The following RASSF8 variants were observed in gnomAD, a reference collection of about 807,000 sequenced individuals.
RASSF8 encodes ras association domain-containing protein 8.
Under a neutral mutation model 48.5 loss-of-function variants are expected in RASSF8, and 22 were observed. The observed-to-expected ratio is 0.45, with a 90% CI of 0.32 to 0.65. The LOEUF (loss-of-function observed/expected upper bound fraction) is 0.65, where lower values mean the gene tolerates loss of function less well. Ranked by LOEUF, RASSF8 falls within the 30% of genes least tolerant of loss-of-function variation. The pLI is 0.03. For missense variants in RASSF8, 418 were observed against 489.2 expected (o/e 0.85, Z 1.37); for synonymous variants, 127 against 171.5 (o/e 0.74, Z 2.03).
chr12:25,982,652 AATTTTC>A (rs1477509966), intron 1 of RASSF8, among the ~76,000 whole-genome samples: 1 of 152,192 alleles, frequency 6.6e-6, no homozygotes, highest in African/African-American at 2.4e-5. Flanking sequence ...GTTGAGCTTG[AATTTTC>A]TTGGTCCCTT....
chr12:26,043,410 T>A (rs556643733), intron 2 of RASSF8, among the ~76,000 whole-genome samples: 1 of 152,266 alleles, frequency 6.6e-6, no homozygotes, highest in Non-Finnish European at 1.5e-5. Flanking sequence ...GGGTAGCACA[T>A]CAGTAACCTG....
Position 26,035,044 on chromosome 12 carries a change from A to G in RASSF8, c.-108-20192A>G, listed in dbSNP as rs181454541. Among the ~76,000 whole-genome samples, 559 of 152,248 alleles carry G rather than the reference A, an allele frequency of 3.7e-3. 2 individuals carry two copies. The highest frequency in any genetic ancestry group is 0.013 in the African/African-American group (525 of 41,538). Reference sequence around the variant, plus strand: ...CTCTGGTGTTGCCCTATAAACTTTAATAGACGTTTTTCCAGTTGTCCAATA... The same window carrying G: ...CTCTGGTGTTGCCCTATAAACTTTAGTAGACGTTTTTCCAGTTGTCCAATA... On this transcript the variant is annotated intron_variant, in intron 2 of 5. Coordinates refer to ENST00000689635, the MANE Select transcript of RASSF8 (RefSeq NM_001394098.1).
intron 3 of RASSF8, among the ~76,000 whole-genome samples, chr12:26,061,016 G>A (rs1408479779): frequency 6.6e-6 from 1 of 152,120 alleles, no homozygotes; most frequent in Non-Finnish European, 1.5e-5. Context: ...CCAGAGGGTT[G>A]GTGATGAAGA....
rs77656229 is a variant in RASSF8 at position 26,004,751 on chromosome 12, A to G, written c.-109+9621A>G. On this transcript the variant is annotated intron_variant, in intron 2 of 5. Transcript: ENST00000689635. ...GAGGAAGGGGAGCTCTTCTGACATGACATGACTGGTACCTTCTACTTTTCT... is the reference window on the plus strand; with the variant it reads ...GAGGAAGGGGAGCTCTTCTGACATGGCATGACTGGTACCTTCTACTTTTCT... 6.8e-3 allele frequency among the ~76,000 whole-genome samples: 1,037 copies of G among 152,318 alleles called. 8 individuals carry two copies. Among genetic ancestry groups the G allele is most frequent in the Non-Finnish European group, 0.012 (790 of 68,026 alleles).
In RASSF8 at chr12:26,068,746, G is replaced by T; in HGVS notation, c.1188G>T (p.Gln396His). 1 of 1,537,290 alleles carries T rather than the reference G, an allele frequency of 6.5e-7. No homozygotes were observed. Among genetic ancestry groups the T allele is most frequent in the Non-Finnish European group, 8.7e-7 (1 of 1,146,894 alleles). The change falls in exon 6 of 6, where the codon CAG (glutamine) becomes CAT (histidine). Residue 396 changes from glutamine to histidine, a missense_variant. Physicochemically the swap from Gln to His is conservative, Grantham distance 24 (BLOSUM62 0). Transcript: ENST00000689635. The stretch of plus-strand genomic sequence containing the variant: ...TGAAGCGACCTGGTTCATCTCGGCA[G>T]CTCCCCAGTAATCTCCGCATTCTGC... ...GSLKRPGSSR[Q>H]LPSNLRILQN...
At chr12:26,006,332 C>T (rs1942391206) in intron 2 of RASSF8, among the ~76,000 whole-genome samples, 1 of 152,116 alleles carries the variant, frequency 6.6e-6, no homozygotes, top group Non-Finnish European at 1.5e-5. Flanking sequence ...CCCTTGAGTA[C>T]TTGGTTTCTC....
intron 1 of RASSF8, among the ~76,000 whole-genome samples, chr12:25,985,649 C>T (rs1227583806): frequency 6.6e-6 from 1 of 152,160 alleles, no homozygotes; most frequent in African/African-American, 2.4e-5. Flanking sequence ...AAAAATATTC[C>T]ACTTCATAGG....
At position 26,055,532 on chromosome 12, in the gene RASSF8, G is replaced by T. The variant is rs1034415691; in HGVS notation, c.103+86G>T. 4.0e-5 allele frequency: 48 copies of T among 1,194,804 alleles called. No individual in the cohort carries two copies. In the African/African-American group the frequency reaches 6.7e-4, roughly 17 times the overall value. The allele number at this position is 1,194,804 out of a possible 1,614,324, so 74.0% of individuals were successfully genotyped here. A position where few individuals can be genotyped will look rare whatever the true frequency, so the allele number is the denominator to read the frequency against. ...TTGTTTTAAATATAGATTTCTAGGG[G>T]ATTTTGTTCATTTGGTTCCATAATA... On this transcript the variant is annotated intron_variant, in intron 3 of 5. Coordinates refer to ENST00000689635, the MANE Select transcript of RASSF8 (RefSeq NM_001394098.1).
chr12:26,009,142 A>G (rs1311339520), intron 2 of RASSF8, among the ~76,000 whole-genome samples: 1 of 152,222 alleles, frequency 6.6e-6, no homozygotes, highest in African/African-American at 2.4e-5. Flanking sequence ...AAGAAATCCA[A>G]GCTCACCGAC....
chr12:26,040,203 A>C (rs542423113), intron 2 of RASSF8, among the ~76,000 whole-genome samples: 1 of 152,350 alleles, frequency 6.6e-6, no homozygotes, highest in East Asian at 1.9e-4. Context: ...AAATTAGGAA[A>C]TTGTTTATCT....
Position 26,068,575 on chromosome 12 carries a change from G to A in RASSF8, c.1139-122G>A, listed in dbSNP as rs878989738. ...TCTCCCCCAGCCCAGGGCACACAGGGGATTGCAATTATTGCTCTATGCAGT... is the reference window on the plus strand; with the variant it reads ...TCTCCCCCAGCCCAGGGCACACAGGAGATTGCAATTATTGCTCTATGCAGT... On this transcript the variant is annotated intron_variant, in intron 5 of 5. Transcript: ENST00000689635. 43 of 746,446 alleles carry A rather than the reference G, an allele frequency of 5.8e-5. No homozygotes were observed. The South Asian group carries it at 7.3e-4, about 13-fold the overall frequency. 46.2% of individuals were successfully genotyped at this position (746,446 alleles called of 1,614,324 possible).
At chr12:26,077,646 T>A (rs1329856487), downstream of RASSF8, among the ~76,000 whole-genome samples, 1 of 152,216 alleles carries the variant, frequency 6.6e-6, no homozygotes, top group African/African-American at 2.4e-5. Flanking sequence ...ACCAGTACCA[T>A]GCTATTTTGG....
chr12:26,058,509 G>A (rs1943660755), intron 3 of RASSF8, among the ~76,000 whole-genome samples: 1 of 148,248 alleles, frequency 6.7e-6, no homozygotes, highest in South Asian at 2.2e-4. Flanking sequence ...TGCCTCATGG[G>A]GGCACTACAC....
At position 26,069,381 on chromosome 12, in the gene RASSF8, G is replaced by T; in HGVS notation, c.*563G>T. On this transcript the variant is annotated 3_prime_UTR_variant, in exon 6 of 6. Coordinates refer to ENST00000689635, the MANE Select transcript of RASSF8 (RefSeq NM_001394098.1). ...ACAGGAAGCCACTTGCATTTGTTTT[G>T]TGAAACTGTCCTAGCCATTGCTTAA... 1 of 985,124 alleles carries T rather than the reference G, an allele frequency of 1.0e-6. No individual in the cohort carries two copies. 61.0% of individuals were successfully genotyped at this position (985,124 alleles called of 1,614,324 possible). A position where few individuals can be genotyped will look rare whatever the true frequency, so the allele number is the denominator to read the frequency against.
At chr12:26,012,896 G>A (rs892770001) in intron 2 of RASSF8, among the ~76,000 whole-genome samples, 6 of 151,964 alleles carry the variant, frequency 3.9e-5, no homozygotes, top group African/African-American at 4.8e-5. Flanking sequence ...GGCTGGTCTC[G>A]AACTGCTGGG....
intron 1 of RASSF8, chr12:25,973,791 C>A (rs1460014521): frequency 2.0e-5 from 3 of 152,172 alleles, no homozygotes; most frequent in Non-Finnish European, 2.9e-5. Flanking sequence ...ATCCGTGAAC[C>A]AAAAAGTGAG....
chr12:26,015,527 G>A (rs1056141541), intron 2 of RASSF8, among the ~76,000 whole-genome samples: 14 of 152,176 alleles, frequency 9.2e-5, no homozygotes, highest in Non-Finnish European at 1.9e-4. Context: ...CAAAGAGATT[G>A]AGGTGAAATC....
intron 2 of RASSF8, among the ~76,000 whole-genome samples, chr12:26,011,478 G>C (rs1942523636): frequency 6.6e-6 from 1 of 152,070 alleles, no homozygotes; most frequent in Non-Finnish European, 1.5e-5. Context: ...AAAAACACCT[G>C]AGTCAAGTAA....
chr12:25,964,637 A>G (rs61914186), intron 1 of RASSF8, among the ~76,000 whole-genome samples: 11,020 of 152,256 alleles, frequency 0.072, 452 homozygotes, highest in Non-Finnish European at 0.09. Flanking sequence ...ATACAAGTAT[A>G]TATGTTTAAA....
Sources: allele counts gnomAD v4.1 joint callset (sites outside exome capture counted in the v4.1 genomes callset), GRCh38; gene constraint gnomAD v4.1.1; transcripts MANE v1.5; gene names NCBI Gene and HGNC (gene_info 2026-07-23, HGNC 2026-07-21).